Variants in VKORC1L1 observed in about 807,000 individuals in gnomAD.
The protein encoded by VKORC1L1 is vitamin K epoxide reductase complex subunit 1-like protein 1.
A neutral mutation model predicts 18.9 loss-of-function variants in VKORC1L1; 2 were observed. The ratio of observed to expected loss-of-function variants is 0.11; its 90% CI spans 0.04 to 0.33. The LOEUF (loss-of-function observed/expected upper bound fraction) is 0.33. VKORC1L1 is among the 10% of genes least tolerant of loss of function. The pLI, the probability that VKORC1L1 is intolerant of heterozygous loss-of-function variation, is 1.00. For missense variants in VKORC1L1, 123 were observed against 224.1 expected, an observed-to-expected ratio of 0.55 and a Z score of 2.88; for synonymous variants, 96 against 100.0, an observed-to-expected ratio of 0.96 and a Z score of 0.24.
intron 1 of VKORC1L1, among the ~76,000 whole-genome samples, chr7:65,937,166 C>A (rs756313100): frequency 6.6e-6 from 1 of 152,138 alleles, no homozygotes; most frequent in Non-Finnish European, 1.5e-5. Context: ...ACACACCTTA[C>A]CCCTTGGGCA....
intron 1 of VKORC1L1, among the ~76,000 whole-genome samples, chr7:65,896,910 G>A (rs182917228): frequency 6.6e-6 from 1 of 152,096 alleles, no homozygotes; most frequent in Non-Finnish European, 1.5e-5. Flanking sequence ...GAGGCAAGAG[G>A]ATTGCTTGAA....
At chr7:65,904,538 A>G (rs528592948) in intron 1 of VKORC1L1, among the ~76,000 whole-genome samples, 1 of 152,314 alleles carries the variant, frequency 6.6e-6, no homozygotes, top group East Asian at 1.9e-4. Flanking sequence ...CTGTACATGG[A>G]GTGGTATACT....
Position 65,954,309 on chromosome 7 carries a change from A to G in VKORC1L1, c.*9A>G, listed in dbSNP as rs1469781365. The G allele has an allele frequency of 6.2e-7, 1 of 1,614,010 alleles. No homozygotes were observed. Among genetic ancestry groups the G allele is most frequent in the Non-Finnish European group, 8.5e-7 (1 of 1,180,032 alleles). ...AACCCAAGCAGGACTGACGCCCGAC[A>G]GACTCCACCCTAACAGTCTCAAGCC... On this transcript the variant is annotated 3_prime_UTR_variant, in exon 3 of 3. Coordinates refer to ENST00000360768, the MANE Select transcript of VKORC1L1 (RefSeq NM_173517.6).
intron 1 of VKORC1L1, among the ~76,000 whole-genome samples, chr7:65,933,408 CT>C (rs1789890657): frequency 6.6e-6 from 1 of 151,958 alleles, no homozygotes; most frequent in Non-Finnish European, 1.5e-5. Context: ...TTCCCTTGTC[CT>C]GGAGACTACA....
intron 1 of VKORC1L1, among the ~76,000 whole-genome samples, chr7:65,888,041 G>A (rs980212539): frequency 1.1e-4 from 17 of 152,028 alleles, no homozygotes; most frequent in African/African-American, 3.9e-4. Context: ...ATTCTTTCTC[G>A]TTGAATCTGT....
chr7:65,928,650 C>T (rs1410640366), intron 1 of VKORC1L1, among the ~76,000 whole-genome samples: 3 of 152,180 alleles, frequency 2.0e-5, no homozygotes, highest in African/African-American at 7.2e-5. Flanking sequence ...CATTGAAGGA[C>T]AATTGTGTTG....
Position 65,954,031 on chromosome 7 carries a change from C to G in VKORC1L1, c.305-43C>G, listed in dbSNP as rs189446955. The G allele has an allele frequency of 3.2e-4, 487 of 1,543,930 alleles. 3 individuals are homozygous for G. The African/African-American group carries it at 5.9e-3, about 19-fold the overall frequency. On this transcript the variant is annotated intron_variant, in intron 2 of 2. Coordinates refer to ENST00000360768, the MANE Select transcript of VKORC1L1 (RefSeq NM_173517.6). ...TCCTTGTCACTCAGAAAGCCTCTCT[C>G]CAGCACCAAGGCCTGACTGAGCCTG...
intron 1 of VKORC1L1, among the ~76,000 whole-genome samples, chr7:65,936,164 C>T (rs1471275444): frequency 6.6e-6 from 1 of 150,930 alleles, no homozygotes; most frequent in Non-Finnish European, 1.5e-5. Flanking sequence ...TACTTTTTCT[C>T]TGCTGAGAAC....
chr7:65,898,939 T>G (rs1011653856), intron 1 of VKORC1L1, among the ~76,000 whole-genome samples: 1 of 152,236 alleles, frequency 6.6e-6, no homozygotes, highest in Non-Finnish European at 1.5e-5. Flanking sequence ...GTAACTGGTT[T>G]GTTTCACTTA....
chr7:65,946,950 A>C (rs867167524), intron 1 of VKORC1L1, among the ~76,000 whole-genome samples: 3 of 151,938 alleles, frequency 2.0e-5, no homozygotes, highest in African/African-American at 7.3e-5. Flanking sequence ...GCCTTGGCAC[A>C]TGGCAAAGCT....
chr7:65,894,193 G>A (rs1294060953), intron 1 of VKORC1L1, among the ~76,000 whole-genome samples: 1 of 151,738 alleles, frequency 6.6e-6, no homozygotes, highest in African/African-American at 2.4e-5. Flanking sequence ...GACCTCAGGC[G>A]ATCCACCTGC....
intron 1 of VKORC1L1, among the ~76,000 whole-genome samples, chr7:65,899,720 C>A (rs191058730): frequency 6.6e-6 from 1 of 152,132 alleles, no homozygotes; most frequent in Non-Finnish European, 1.5e-5. Context: ...TAGCTTCATA[C>A]CAGACGTGGT....
At chr7:65,912,796 TA>T (rs1252455145) in intron 1 of VKORC1L1, among the ~76,000 whole-genome samples, 1 of 152,154 alleles carries the variant, frequency 6.6e-6, no homozygotes, top group Non-Finnish European at 1.5e-5. Flanking sequence ...TTTTAAAAGA[TA>T]AAAATATAAA....
At chr7:65,907,461 G>T (rs148768734) in intron 1 of VKORC1L1, among the ~76,000 whole-genome samples, 1 of 152,054 alleles carries the variant, frequency 6.6e-6, no homozygotes, top group Non-Finnish European at 1.5e-5. Flanking sequence ...AATAAATGGA[G>T]GATTTAAATA....
intron 1 of VKORC1L1, among the ~76,000 whole-genome samples, chr7:65,944,699 C>G (rs930110928): frequency 4.0e-5 from 6 of 151,806 alleles, no homozygotes; most frequent in African/African-American, 1.5e-4. Flanking sequence ...GGTGGAATGC[C>G]TGAGCTCAGG....
upstream of VKORC1L1, among the ~76,000 whole-genome samples, chr7:65,868,320 A>C (rs187230116): frequency 7.9e-5 from 12 of 152,316 alleles, no homozygotes; most frequent in East Asian, 1.3e-3. Flanking sequence ...AGTCAGAAAA[A>C]AAAAGATGTT....
intron 1 of VKORC1L1, among the ~76,000 whole-genome samples, chr7:65,900,122 GCTCATGC>G (rs1304476684): frequency 6.6e-6 from 1 of 150,828 alleles, no homozygotes; most frequent in Non-Finnish European, 1.5e-5. Context: ...AGGTGTGGTG[GCTCATGC>G]CTGTAATCCC....
At chr7:65,886,438 C>T (rs553108085) in intron 1 of VKORC1L1, among the ~76,000 whole-genome samples, 3 of 152,066 alleles carry the variant, frequency 2.0e-5, no homozygotes, top group African/African-American at 4.8e-5. Context: ...TTTCAAAAAA[C>T]CTCTTTGAGG....
chr7:65,927,883 G>C (rs983022863), intron 1 of VKORC1L1, among the ~76,000 whole-genome samples: 1 of 152,152 alleles, frequency 6.6e-6, no homozygotes, highest in Non-Finnish European at 1.5e-5. Flanking sequence ...TATTTGGTGG[G>C]GTGGGGAGAG....
Sources: gnomAD v4.1 joint callset for allele counts (sites outside exome capture counted in the v4.1 genomes callset) on GRCh38, gnomAD v4.1.1 for gene constraint, MANE v1.5 for transcripts, NCBI Gene and HGNC (gene_info 2026-07-23, HGNC 2026-07-21) for gene names.